ANKRD6: variants seen among roughly 807,000 people sequenced by gnomAD.
The protein encoded by ANKRD6 is ankyrin repeat domain 6.
In ANKRD6, 56 loss-of-function variants were observed where a neutral mutation model predicts 82.3. The ratio of observed to expected loss-of-function variants is 0.68; its 90% confidence interval spans 0.55 to 0.85. The LOEUF is 0.85. ANKRD6 is among the 40% of genes least tolerant of loss of function. The pLI, the probability that ANKRD6 is intolerant of heterozygous loss-of-function variation, is 0.00. For missense variants in ANKRD6, 852 were observed against 907.6 expected (o/e 0.94, Z 0.79); for synonymous variants, 347 against 352.1 (o/e 0.99, Z 0.16).
At chr6:89,502,466 C>A in intron 1 of ANKRD6, among the ~76,000 whole-genome samples, 1 of 151,144 alleles carries the variant, frequency 6.6e-6, no homozygotes, top group East Asian at 1.9e-4. Context: ...GGCAAGGTGG[C>A]GAAACCATGG....
chr6:89,545,237 A>T (rs1784947961), intron 1 of ANKRD6, among the ~76,000 whole-genome samples: 1 of 150,616 alleles, frequency 6.6e-6, no homozygotes, highest in Admixed American at 6.6e-5. Flanking sequence ...AAAAGAAAAG[A>T]AAAAGGGCTG....
chr6:89,529,486 G>C (rs1418003104), intron 1 of ANKRD6, among the ~76,000 whole-genome samples: 1 of 152,192 alleles, frequency 6.6e-6, no homozygotes, highest in African/African-American at 2.4e-5. Flanking sequence ...CTTCTATCCA[G>C]ACCAAACTTT....
intron 1 of ANKRD6, among the ~76,000 whole-genome samples, chr6:89,465,818 G>A (rs1484416797): frequency 1.3e-5 from 2 of 152,084 alleles, no homozygotes; most frequent in African/African-American, 4.8e-5. Context: ...AGATGTGATA[G>A]TACCAGTGTG....
At chr6:89,609,567 G>A (rs1213363846) in intron 5 of ANKRD6, among the ~76,000 whole-genome samples, 1 of 152,116 alleles carries the variant, frequency 6.6e-6, no homozygotes, top group Non-Finnish European at 1.5e-5. Context: ...CTCCCAAAGT[G>A]CTGGGATTAC....
intron 1 of ANKRD6, among the ~76,000 whole-genome samples, chr6:89,557,485 A>C (rs145930973): frequency 6.6e-6 from 1 of 152,178 alleles, no homozygotes; most frequent in African/African-American, 2.4e-5. Flanking sequence ...TGAGGGAGGG[A>C]TGGTAGCAGG....
At chr6:89,627,333 A>G (rs532760213) in intron 13 of ANKRD6, among the ~76,000 whole-genome samples, 31 of 152,334 alleles carry the variant, frequency 2.0e-4, no homozygotes, top group African/African-American at 7.5e-4. Flanking sequence ...CTGTATATTC[A>G]TAGTCCTTAT....
chr6:89,626,480 G>C (rs1316111764), intron 13 of ANKRD6, among the ~76,000 whole-genome samples: 1 of 152,194 alleles, frequency 6.6e-6, no homozygotes, highest in African/African-American at 2.4e-5. Context: ...TTAAGGGAGT[G>C]GGGAGAGTAG....
At chr6:89,461,266 A>G (rs1430763835) in intron 1 of ANKRD6, among the ~76,000 whole-genome samples, 3 of 152,218 alleles carry the variant, frequency 2.0e-5, no homozygotes, top group East Asian at 3.8e-4. Flanking sequence ...TGAGATTTAC[A>G]TATACCTTGG....
intron 1 of ANKRD6, chr6:89,561,535 A>G (rs1022672082): frequency 4.6e-5 from 7 of 152,192 alleles, no homozygotes; most frequent in African/African-American, 1.7e-4. Context: ...TGGAAGCTGT[A>G]AGAAAATGAA....
chr6:89,487,716 CT>C (rs1416147142), intron 1 of ANKRD6, among the ~76,000 whole-genome samples: 1 of 152,182 alleles, frequency 6.6e-6, no homozygotes, highest in Non-Finnish European at 1.5e-5. Context: ...GGTTTTTCAC[CT>C]GTGCTTCACC....
chr6:89,566,997 C>G lies in ANKRD6; in HGVS notation c.21C>G (p.Val7=). The G allele has an allele frequency of 6.3e-7, 1 of 1,598,286 alleles. No homozygotes were observed. Among genetic ancestry groups the G allele is most frequent in the Non-Finnish European group, 8.5e-7 (1 of 1,172,028 alleles). Reference sequence around the variant, plus strand: ...AATTCATGAGCCAGCAAGATGCGGTCGCTGCACTTTCAGAGCGCCTTCTCG... The same window carrying G: ...AATTCATGAGCCAGCAAGATGCGGTGGCTGCACTTTCAGAGCGCCTTCTCG... MSQQDA[V]AALSERLLVA... The change falls in exon 2 of 16, where the codon GTC becomes GTG. Residue 7 remains valine (V), a synonymous_variant. Transcript: ENST00000339746.
chr6:89,514,647 T>A (rs933609686), intron 1 of ANKRD6, among the ~76,000 whole-genome samples: 1 of 152,230 alleles, frequency 6.6e-6, no homozygotes, highest in Non-Finnish European at 1.5e-5. Context: ...ATTTATAGTT[T>A]ATTATGAGTA....
At chr6:89,480,959 A>AAAAAAT (rs1216085201) in intron 1 of ANKRD6, among the ~76,000 whole-genome samples, 57 of 148,948 alleles carry the variant, frequency 3.8e-4, no homozygotes, top group South Asian at 8.6e-4. Context: ...AAAAAAATAG[A>AAAAAAT]AGAAGAAGAA....
intron 1 of ANKRD6, among the ~76,000 whole-genome samples, chr6:89,523,853 T>C (rs1782156352): frequency 6.6e-6 from 1 of 152,160 alleles, no homozygotes; most frequent in Admixed American, 6.6e-5. Flanking sequence ...AAATCTTTTT[T>C]GTCAGCATTT....
intron 1 of ANKRD6, among the ~76,000 whole-genome samples, chr6:89,468,152 T>C (rs1011467919): frequency 6.6e-6 from 1 of 152,190 alleles, no homozygotes; most frequent in African/African-American, 2.4e-5. Flanking sequence ...TTTAGTCTCT[T>C]AACCTAAGGA....
At chr6:89,590,747 A>T (rs1794716333) in intron 2 of ANKRD6, among the ~76,000 whole-genome samples, 1 of 152,160 alleles carries the variant, frequency 6.6e-6, no homozygotes, top group Non-Finnish European at 1.5e-5. Flanking sequence ...CTGAGCTCAG[A>T]TGGCTGACGG....
intron 1 of ANKRD6, among the ~76,000 whole-genome samples, chr6:89,485,421 A>G (rs940726608): frequency 1.3e-5 from 2 of 152,236 alleles, no homozygotes; most frequent in Non-Finnish European, 2.9e-5. Flanking sequence ...GCTCAAAAGC[A>G]GGTGCAGAGC....
intron 1 of ANKRD6, among the ~76,000 whole-genome samples, chr6:89,523,495 G>T (rs1782115504): frequency 6.6e-6 from 1 of 152,164 alleles, no homozygotes; most frequent in African/African-American, 2.4e-5. Flanking sequence ...CCTGTGGCTA[G>T]AAGAGGGCAG....
intron 1 of ANKRD6, among the ~76,000 whole-genome samples, chr6:89,537,431 C>T (rs957331179): frequency 8.6e-5 from 13 of 152,046 alleles, no homozygotes; most frequent in African/African-American, 2.9e-4. Context: ...AGTGATTCTT[C>T]TTCAACCCAA....
Sources: allele counts gnomAD v4.1 joint callset (sites outside exome capture counted in the v4.1 genomes callset), GRCh38; gene constraint gnomAD v4.1.1; transcripts MANE v1.5; gene names NCBI Gene and HGNC (gene_info 2026-07-23, HGNC 2026-07-21).